GPR89B: variants seen among roughly 807,000 people sequenced by gnomAD.
GPR89B encodes G protein-coupled receptor 89B.
Under a neutral mutation model 52.4 loss-of-function variants are expected in GPR89B, and 25 were observed. That is an observed-to-expected ratio of 0.48 (90% CI 0.35 to 0.67). The LOEUF is 0.67. Among genes scored for constraint, GPR89B ranks in the 30% least tolerant of loss-of-function variants. The probability of loss-of-function intolerance (pLI) is 0.01; values close to 1 mark genes in which losing one functional copy is unlikely to be tolerated. For missense variants in GPR89B, 146 were observed against 450.2 expected (o/e 0.32, Z 6.11); for synonymous variants, 52 against 151.2 (o/e 0.34, Z 4.81).
At chr1:147,954,486 A>G (rs1655960394) in intron 7 of GPR89B, 84 bp downstream of exon 7, 2 of 149,886 alleles carry the variant, frequency 1.3e-5, no homozygotes, top group Admixed American at 6.7e-5. Flanking sequence ...CTGGCAGGGA[A>G]TTTTATCTTA....
the GPR89B span, among the ~76,000 whole-genome samples, chr1:148,005,750 C>CACAT: frequency 1.3e-5 from 2 of 152,020 alleles, no homozygotes; most frequent in African/African-American, 4.8e-5. Context: ...CTTGCTGGAG[C>CACAT]ACATATACCC....
the GPR89B span, among the ~76,000 whole-genome samples, chr1:148,004,944 G>A: frequency 2.4e-4 from 28 of 117,912 alleles, 1 homozygote; most frequent in Non-Finnish European, 4.8e-4. Flanking sequence ...AGCCAGGTGC[G>A]GTGGTGCACA....
At chr1:147,949,810 C>T (rs1655421242) in intron 5 of GPR89B, among the ~76,000 whole-genome samples, 1 of 146,154 alleles carries the variant, frequency 6.8e-6, no homozygotes, top group Non-Finnish European at 1.5e-5. Flanking sequence ...GACCCCCCGA[C>T]CTCCCTCCCG....
chr1:148,009,395 G>A, the GPR89B span: 34 of 1,611,852 alleles, frequency 2.1e-5, no homozygotes, highest in Non-Finnish European at 2.7e-5. Context: ...TCACGAGATA[G>A]CAGAGCCGGG....
the GPR89B span, chr1:148,014,497 G>C: frequency 1.3e-5 from 2 of 151,206 alleles, no homozygotes; most frequent in African/African-American, 4.9e-5. Flanking sequence ...AAATCGCAGG[G>C]GTCAGCGGAG....
At chr1:147,997,281 G>A (rs1272365067), downstream of GPR89B, among the ~76,000 whole-genome samples, 4 of 152,164 alleles carry the variant, frequency 2.6e-5, no homozygotes, top group Non-Finnish European at 4.4e-5. Flanking sequence ...CTAGAAGCCC[G>A]GTAAAGCATT....
chr1:147,968,637 A>G, intron 8 of GPR89B: 2 of 608,648 alleles, frequency 3.3e-6, no homozygotes, highest in South Asian at 4.0e-5. Flanking sequence ...TGCTTGACTT[A>G]AGAGAAACTG....
intron 10 of GPR89B, among the ~76,000 whole-genome samples, chr1:147,983,090 T>A (rs2149090040): frequency 1.3e-5 from 2 of 152,308 alleles, no homozygotes; most frequent in South Asian, 4.1e-4. Flanking sequence ...GATTCCCTAT[T>A]TAATAAATGG....
intron 7 of GPR89B, among the ~76,000 whole-genome samples, chr1:147,956,506 A>G (rs1260731102): frequency 2.6e-5 from 4 of 152,016 alleles, no homozygotes; most frequent in East Asian, 1.9e-4. Context: ...TAACAATACT[A>G]ATGTTCAATG....
chr1:148,021,185 C>T, the GPR89B span, among the ~76,000 whole-genome samples: 1 of 151,620 alleles, frequency 6.6e-6, no homozygotes. Flanking sequence ...TAGACCACAT[C>T]TCGCGATGGA....
chr1:147,962,010 A>C (rs1414885246), intron 7 of GPR89B, among the ~76,000 whole-genome samples: 1 of 151,988 alleles, frequency 6.6e-6, no homozygotes, highest in Non-Finnish European at 1.5e-5. Context: ...TACAATTTTT[A>C]AAAAGAACAG....
chr1:148,009,477 T>C, the GPR89B span: 50 of 1,602,924 alleles, frequency 3.1e-5, no homozygotes, highest in Middle Eastern at 2.3e-4. Flanking sequence ...TTGCTCCTTC[T>C]GACTTTGACC....
At chr1:147,962,162 G>A (rs1182004513) in intron 7 of GPR89B, among the ~76,000 whole-genome samples, 2 of 151,760 alleles carry the variant, frequency 1.3e-5, no homozygotes, top group Admixed American at 6.6e-5. Context: ...GGTGGCTCAC[G>A]TCTGTAATCC....
At chr1:148,015,898 T>C in the GPR89B span, among the ~76,000 whole-genome samples, 6 of 151,938 alleles carry the variant, frequency 3.9e-5, no homozygotes, top group South Asian at 2.1e-4. Flanking sequence ...TATAACTCTT[T>C]CTTTTGTTAC....
intron 9 of GPR89B, chr1:147,969,507 A>G (rs1657267943): frequency 4.6e-6 from 1 of 216,908 alleles, no homozygotes; most frequent in Non-Finnish European, 9.1e-6. Context: ...ACAGAGGTTA[A>G]CATAGGCTTT....
intron 1 of GPR89B, 166 bp downstream of exon 1, chr1:147,928,744 C>T (rs1417135543): frequency 1.6e-6 from 1 of 607,816 alleles, no homozygotes; most frequent in Non-Finnish European, 2.1e-6. Context: ...GCGGCCGGTT[C>T]CCTCAGCCCC....
At chr1:148,000,558 A>C in the GPR89B span, among the ~76,000 whole-genome samples, 6 of 150,776 alleles carry the variant, frequency 4.0e-5, no homozygotes, top group African/African-American at 7.3e-5. Flanking sequence ...TAGTCTCTCT[A>C]AGCTTCGGTT....
At chr1:147,970,569 C>CTATATATATATA (rs1295887286) in intron 10 of GPR89B, among the ~76,000 whole-genome samples, 2 of 142,568 alleles carry the variant, frequency 1.4e-5, no homozygotes, top group Admixed American at 7.0e-5. Context: ...CTCTCTCTCT[C>CTATATATATATA]TATATATATA....
chr1:148,008,278 G>A, the GPR89B span, among the ~76,000 whole-genome samples: 2 of 152,310 alleles, frequency 1.3e-5, no homozygotes, highest in East Asian at 3.9e-4. Flanking sequence ...TTCACCATGT[G>A]CATTAGCACA....
Sources: gnomAD v4.1 joint callset for allele counts (sites outside exome capture counted in the v4.1 genomes callset) on GRCh38, gnomAD v4.1.1 for gene constraint, MANE v1.5 for transcripts, NCBI Gene and HGNC (gene_info 2026-07-23, HGNC 2026-07-21) for gene names.